N4BP2: variants seen among roughly 807,000 people sequenced by gnomAD.
N4BP2 encodes NEDD4 binding protein 2.
N4BP2 carries 91 observed loss-of-function variants against 152.8 expected under a neutral mutation model. That is an observed-to-expected ratio of 0.60 (90% CI 0.50 to 0.71). The LOEUF is 0.71. Ranked by LOEUF, N4BP2 falls within the 30% of genes least tolerant of loss-of-function variation. The probability of loss-of-function intolerance (pLI) is 0.00; values close to 1 mark genes in which losing one functional copy is unlikely to be tolerated. For missense variants in N4BP2, 1,923 were observed against 2,059.1 expected (o/e 0.93, Z 1.28); for synonymous variants, 646 against 705.3 (o/e 0.92, Z 1.33).
the N4BP2 span, among the ~76,000 whole-genome samples, chr4:40,183,277 C>T: frequency 6.6e-6 from 1 of 151,906 alleles, no homozygotes; most frequent in South Asian, 2.1e-4. Context: ...CCAATCATTT[C>T]TATACAGTAT....
At chr4:40,061,309 A>G (rs2109882591) in intron 1 of N4BP2, among the ~76,000 whole-genome samples, 1 of 151,762 alleles carries the variant, frequency 6.6e-6, no homozygotes, top group South Asian at 2.1e-4. Context: ...AGCTGGGATT[A>G]CAGGTGTCCA....
At chr4:40,105,479 C>T (rs1181745874) in intron 4 of N4BP2, among the ~76,000 whole-genome samples, 1 of 151,830 alleles carries the variant, frequency 6.6e-6, no homozygotes, top group Non-Finnish European at 1.5e-5. Context: ...TATCTGCTGC[C>T]ACCCCCAGCT....
At chr4:40,168,755 G>C in the N4BP2 span, among the ~76,000 whole-genome samples, 3 of 149,488 alleles carry the variant, frequency 2.0e-5, no homozygotes, top group African/African-American at 7.4e-5. Flanking sequence ...ATGGAGTTTT[G>C]CTCTTGTTGC....
intron 1 of N4BP2, among the ~76,000 whole-genome samples, chr4:40,071,673 T>C (rs1331156942): frequency 2.0e-5 from 3 of 151,940 alleles, no homozygotes; most frequent in African/African-American, 7.3e-5. Flanking sequence ...TTCAGGTGAT[T>C]CTCCTGCCTC....
intron 2 of N4BP2, among the ~76,000 whole-genome samples, chr4:40,076,734 C>T (rs6837532): frequency 0.86 from 130,374 of 152,166 alleles, 55,923 homozygotes; most frequent in East Asian, 0.97. Context: ...GTGGTCCGCC[C>T]GCCTTGGGCT....
intron 1 of N4BP2, 99 bp from the exon 2 acceptor site, chr4:40,073,356 A>G (rs944255352): frequency 6.6e-6 from 1 of 151,984 alleles, no homozygotes; most frequent in African/African-American, 2.4e-5. Context: ...TTGGAATATC[A>G]TATATATTAT....
intron 2 of N4BP2, among the ~76,000 whole-genome samples, chr4:40,084,659 TTC>T: frequency 6.7e-6 from 1 of 148,896 alleles, no homozygotes; most frequent in East Asian, 2.0e-4. Flanking sequence ...GAGGCAGAGT[TTC>T]TCTCTGTTGC....
rs567956781 is a variant in N4BP2 at position 40,107,149 on chromosome 4, G to C, written c.1498+125G>C. 1,301 of 895,140 alleles carry C rather than the reference G, an allele frequency of 1.5e-3. 34 individuals carry two copies. The South Asian group carries it at 0.019, about 13-fold the overall frequency. 55.4% of individuals were successfully genotyped at this position (895,140 alleles called of 1,614,324 possible). On this transcript the variant is annotated intron_variant, in intron 5 of 17. Transcript: ENST00000261435. ...GGGTCTCGCTGTGTTGCACAGGCTA[G>C]AGTGCAGTGGCATGATCTTGGCTCA...
chr4:40,118,463 T>C (rs928155063), intron 8 of N4BP2, among the ~76,000 whole-genome samples: 8 of 152,122 alleles, frequency 5.3e-5, no homozygotes, highest in Non-Finnish European at 8.8e-5. Context: ...AGGTGGACTT[T>C]TGTTATTTTT....
downstream of N4BP2, among the ~76,000 whole-genome samples, chr4:40,161,823 G>A (rs1721868691): frequency 2.0e-5 from 3 of 152,194 alleles, no homozygotes; most frequent in South Asian, 6.2e-4. Context: ...GGAAGAGCTG[G>A]AGAAGTGGAT....
chr4:40,111,502 G>A (rs960661987), intron 5 of N4BP2, among the ~76,000 whole-genome samples: 1 of 152,132 alleles, frequency 6.6e-6, no homozygotes, highest in Non-Finnish European at 1.5e-5. Flanking sequence ...TGTATTTTTA[G>A]TGGAGACGGG....
intron 3 of N4BP2, among the ~76,000 whole-genome samples, chr4:40,098,935 T>C (rs191822318): frequency 6.6e-6 from 1 of 152,214 alleles, no homozygotes; most frequent in Non-Finnish European, 1.5e-5. Context: ...GTTGCTGTAA[T>C]CTGTATTTTT....
intron 4 of N4BP2, among the ~76,000 whole-genome samples, chr4:40,106,140 A>T (rs923273094): frequency 2.6e-5 from 4 of 152,190 alleles, no homozygotes; most frequent in Non-Finnish European, 4.4e-5. Flanking sequence ...CATTATAAAG[A>T]TTTTATAGTT....
At chr4:40,141,143 T>C (rs1394226651) in intron 14 of N4BP2, among the ~76,000 whole-genome samples, 5 of 151,840 alleles carry the variant, frequency 3.3e-5, no homozygotes, top group Admixed American at 6.6e-5. Flanking sequence ...GCAGAGGGGC[T>C]CCTCACCTCC....
At chr4:40,179,911 T>C in the N4BP2 span, among the ~76,000 whole-genome samples, 1 of 151,934 alleles carries the variant, frequency 6.6e-6, no homozygotes, top group African/African-American at 2.4e-5. Context: ...ATTACAGGCA[T>C]GCGCCACCAC....
chr4:40,059,266 T>C (rs1274876143), intron 1 of N4BP2, among the ~76,000 whole-genome samples: 5 of 152,184 alleles, frequency 3.3e-5, no homozygotes, highest in African/African-American at 7.2e-5. Context: ...CCTTCTTTGC[T>C]TTCCTTTCAG....
At chr4:40,176,202 T>C in the N4BP2 span, among the ~76,000 whole-genome samples, 1 of 152,164 alleles carries the variant, frequency 6.6e-6, no homozygotes, top group Admixed American at 6.5e-5. Flanking sequence ...TTTATAAATA[T>C]GTATCTTTGC....
chr4:40,189,220 G>A, the N4BP2 span, among the ~76,000 whole-genome samples: 1 of 152,042 alleles, frequency 6.6e-6, no homozygotes, highest in South Asian at 2.1e-4. The surrounding 1 kb of genome is among the most constrained non-coding windows in gnomAD (Gnocchi z 4.3). Context: ...ATAACAAGCT[G>A]AAGAAGAAAG....
At chr4:40,152,712 A>C (rs1048432811) in intron 16 of N4BP2, 68 bp from the exon 17 acceptor site, 2 of 1,561,430 alleles carry the variant, frequency 1.3e-6, no homozygotes, top group Non-Finnish European at 1.8e-6. Context: ...TGAGTAGCTA[A>C]GGTTTACGTT....
Sources: allele counts gnomAD v4.1 joint callset (sites outside exome capture counted in the v4.1 genomes callset), GRCh38; gene constraint gnomAD v4.1.1; non-coding constraint Gnocchi (gnomAD v3.1); transcripts MANE v1.5; gene names NCBI Gene and HGNC (gene_info 2026-07-23, HGNC 2026-07-21).